Variants in CNTNAP2 observed in about 807,000 individuals in gnomAD.
The protein encoded by CNTNAP2 is contactin associated protein 2, also known as contactin-associated protein-like 2.
In CNTNAP2, 98 loss-of-function variants were observed where a neutral mutation model predicts 155.2. That is an observed-to-expected ratio of 0.63 (90% CI 0.54 to 0.75). The LOEUF (loss-of-function observed/expected upper bound fraction) is 0.75, where lower values mean the gene tolerates loss of function less well. CNTNAP2 is among the 30% of genes least tolerant of loss of function. The pLI is 0.00. For synonymous variants in CNTNAP2, 651 were observed against 631.2 expected, an observed-to-expected ratio of 1.03 and a Z score of -0.47; for missense variants, 1,727 against 1,688.1, an observed-to-expected ratio of 1.02 and a Z score of -0.40.
intron 3 of CNTNAP2, among the ~76,000 whole-genome samples, chr7:146,932,428 G>T (rs556904332): frequency 1.3e-5 from 2 of 151,800 alleles, no homozygotes; most frequent in African/African-American, 4.9e-5. Flanking sequence ...GTATTGATGG[G>T]ATGTATGGCA....
At chr7:146,375,865 A>T (rs948544674) in intron 1 of CNTNAP2, among the ~76,000 whole-genome samples, 3 of 152,158 alleles carry the variant, frequency 2.0e-5, no homozygotes, top group African/African-American at 7.2e-5. Context: ...AAATTCCCTT[A>T]AACTATCCCT....
chr7:147,946,115 T>C lies in CNTNAP2; in HGVS notation c.2256-31747T>C, dbSNP rs567726432. On this transcript the variant is annotated intron_variant, in intron 14 of 23. Transcript: ENST00000361727. ...CACTTTTCTTAATTCACCCCTGAAA[T>C]ACACTACCCAAACACGTAGCAACTG... is the stretch of plus-strand genomic sequence containing the variant. Among the ~76,000 whole-genome samples the C allele has an allele frequency of 1.4e-4, 21 of 152,146 alleles. No individual in the cohort carries two copies. The East Asian group carries it at 3.9e-3, about 28-fold the overall frequency.
intron 1 of CNTNAP2, among the ~76,000 whole-genome samples, chr7:146,350,906 A>T (rs1417979014): frequency 6.6e-6 from 1 of 151,830 alleles, no homozygotes; most frequent in Non-Finnish European, 1.5e-5. Context: ...GGAAACCATC[A>T]TTCTCAGCAA....
chr7:147,522,220 G>C (rs1205467305), intron 11 of CNTNAP2, among the ~76,000 whole-genome samples: 2 of 152,146 alleles, frequency 1.3e-5, no homozygotes, highest in African/African-American at 4.8e-5. Flanking sequence ...CACCAGCTTA[G>C]GGGATTAGGA....
chr7:147,149,201 C>CTTTA (rs1214946633), intron 8 of CNTNAP2, among the ~76,000 whole-genome samples: 1 of 152,072 alleles, frequency 6.6e-6, no homozygotes, highest in African/African-American at 2.4e-5. Context: ...ATTTACAAGC[C>CTTTA]TTTAGCTAGA....
intron 21 of CNTNAP2, among the ~76,000 whole-genome samples, chr7:148,341,678 T>G (rs1288365091): frequency 6.6e-6 from 1 of 152,194 alleles, no homozygotes; most frequent in Non-Finnish European, 1.5e-5. Flanking sequence ...AGAAATGTTC[T>G]AACTTTCACA....
chr7:148,074,544 C>T (rs888033982), intron 15 of CNTNAP2, among the ~76,000 whole-genome samples: 2 of 152,030 alleles, frequency 1.3e-5, no homozygotes, highest in East Asian at 3.9e-4. Flanking sequence ...ACAAAAATTG[C>T]TGGGCGTGGT....
At chr7:147,105,486 A>C (rs1416152559) in intron 4 of CNTNAP2, among the ~76,000 whole-genome samples, 1 of 152,088 alleles carries the variant, frequency 6.6e-6, no homozygotes, top group Non-Finnish European at 1.5e-5. Context: ...CCAAATAAGC[A>C]CAGCGCATTA....
intron 10 of CNTNAP2, among the ~76,000 whole-genome samples, chr7:147,460,683 T>A (rs968879062): frequency 8.7e-4 from 132 of 152,322 alleles, no homozygotes; most frequent in African/African-American, 3.1e-3. Flanking sequence ...TTTGCTTTGT[T>A]TTTTGCAGTT....
intron 1 of CNTNAP2, among the ~76,000 whole-genome samples, chr7:146,661,294 T>A (rs1005557516): frequency 6.6e-6 from 1 of 152,120 alleles, no homozygotes; most frequent in Non-Finnish European, 1.5e-5. Flanking sequence ...GTTTTTTTTT[T>A]AATTGGGTTC....
At chr7:146,516,217 A>G (rs762525622) in intron 1 of CNTNAP2, among the ~76,000 whole-genome samples, 1 of 152,032 alleles carries the variant, frequency 6.6e-6, no homozygotes, top group Non-Finnish European at 1.5e-5. Context: ...GCAATGGTCA[A>G]TATGGTCAGT....
At chr7:146,215,622 A>T (rs1799100970) in intron 1 of CNTNAP2, among the ~76,000 whole-genome samples, 1 of 149,550 alleles carries the variant, frequency 6.7e-6, no homozygotes. Flanking sequence ...TGAATAATAT[A>T]TATATATTTT....
At chr7:146,488,911 C>T (rs150950674) in intron 1 of CNTNAP2, among the ~76,000 whole-genome samples, 10 of 152,300 alleles carry the variant, frequency 6.6e-5, no homozygotes, top group East Asian at 1.9e-4. Context: ...TGGGCCACCA[C>T]GCTAGGGCAC....
At chr7:147,776,980 T>A (rs1797594299) in intron 13 of CNTNAP2, among the ~76,000 whole-genome samples, 1 of 152,118 alleles carries the variant, frequency 6.6e-6, no homozygotes, top group Admixed American at 6.5e-5. Flanking sequence ...ATAAAGTACA[T>A]GTCTCAAAAA....
intron 1 of CNTNAP2, among the ~76,000 whole-genome samples, chr7:146,434,810 CTTAA>C: frequency 6.6e-6 from 1 of 151,530 alleles, no homozygotes; most frequent in Admixed American, 6.6e-5. Flanking sequence ...TTGTTTTATA[CTTAA>C]TTCCTGGGGA....
In CNTNAP2 at chr7:147,732,185, C is replaced by CT. The variant is rs1029910682; in HGVS notation, c.2098+92879_2098+92880insT. ...TATATCTCCTAATGCTATCCCTCCC[C>CT]CCCCCACCACCCCCATGACAGGCCC... On this transcript the variant is annotated intron_variant, in intron 13 of 23. Transcript: ENST00000361727. Among the ~76,000 whole-genome samples the CT allele has an allele frequency of 8.1e-5, 8 of 98,890 alleles. 1 individual carries two copies. Among genetic ancestry groups the CT allele is most frequent in the East Asian group, 2.3e-4 (1 of 4,366 alleles). The allele number at this position is 98,890 out of a possible 152,430, so 64.9% of individuals were successfully genotyped here.
intron 2 of CNTNAP2, among the ~76,000 whole-genome samples, chr7:146,822,953 T>G (rs1420545108): frequency 1.1e-3 from 116 of 102,764 alleles, no homozygotes; most frequent in African/African-American, 4.2e-3. Flanking sequence ...TTCAGCATAT[T>G]TACATGGAAA....
intron 1 of CNTNAP2, among the ~76,000 whole-genome samples, chr7:146,564,549 C>G (rs1371786444): frequency 6.8e-6 from 1 of 147,332 alleles, no homozygotes; most frequent in African/African-American, 2.5e-5. Context: ...ATGTAGTTTG[C>G]AAATAAATAT....
intron 14 of CNTNAP2, among the ~76,000 whole-genome samples, chr7:147,905,917 A>AC (rs939974865): frequency 3.2e-4 from 48 of 152,078 alleles, no homozygotes; most frequent in African/African-American, 9.9e-4. Flanking sequence ...AAACAAACAA[A>AC]AAAAAACTGA....
Sources: gnomAD v4.1 joint callset for allele counts (sites outside exome capture counted in the v4.1 genomes callset) on GRCh38, gnomAD v4.1.1 for gene constraint, MANE v1.5 for transcripts, NCBI Gene and HGNC (gene_info 2026-07-23, HGNC 2026-07-21) for gene names.